Variants in ARID2 observed in about 807,000 individuals in gnomAD.
ARID2 encodes the protein AT-rich interaction domain 2.
A neutral mutation model predicts 184.6 loss-of-function variants in ARID2; 32 were observed. That is an observed-to-expected ratio of 0.17 (90% CI 0.13 to 0.23). The LOEUF (loss-of-function observed/expected upper bound fraction) is 0.23. Among genes scored for constraint, ARID2 ranks in the 10% least tolerant of loss-of-function variants. The pLI is 1.00. For synonymous variants in ARID2, 836 were observed against 772.6 expected, an observed-to-expected ratio of 1.08 and a Z score of -1.36; for missense variants, 1,696 against 2,197.6, an observed-to-expected ratio of 0.77 and a Z score of 4.56.
intron 20 of ARID2, among the ~76,000 whole-genome samples, chr12:45,897,747 T>C (rs1944388314): frequency 6.6e-6 from 1 of 152,202 alleles, no homozygotes; most frequent in Non-Finnish European, 1.5e-5. Context: ...ATGTGGCATG[T>C]ACATGCAATG....
In ARID2 at chr12:45,849,644, A is replaced by G; in HGVS notation, c.1780A>G (p.Ile594Val). The change falls in exon 14 of 21, where the codon ATT (isoleucine) becomes GTT (valine). Residue 594 changes from isoleucine (I) to valine (V), a missense_variant. By Grantham distance (29) the Ile-to-Val change is conservative (BLOSUM62 3). Transcript: ENST00000334344. ...EDSSSNGQAH[I>V]HVVGVKRRAI... ...TTCCAGTAGCAATGGGCAGGCACAT[A>G]TTCATGTGGTAGGAGTAAAACGGAG... 2 of 1,613,748 alleles carry G rather than the reference A, an allele frequency of 1.2e-6. No homozygotes were observed.
chr12:45,834,774 C>T (rs1943185806), intron 6 of ARID2, among the ~76,000 whole-genome samples: 1 of 152,150 alleles, frequency 6.6e-6, no homozygotes, highest in Non-Finnish European at 1.5e-5. Context: ...TATTTTCTTC[C>T]ATCATTTTGA....
chr12:45,861,039 A>G (rs2138192682), intron 16 of ARID2, 90 bp downstream of exon 16: 1 of 1,268,850 alleles, frequency 7.9e-7, no homozygotes, highest in Non-Finnish European at 1.0e-6. Context: ...GTTGCATGAA[A>G]ATTTTCCTTT....
intron 3 of ARID2, among the ~76,000 whole-genome samples, chr12:45,793,874 A>T (rs1256160841): frequency 1.3e-5 from 2 of 148,896 alleles, no homozygotes; most frequent in Admixed American, 1.3e-4. Context: ...TATTTTTTCT[A>T]TTCTTTCCTT....
chr12:45,893,439 A>G lies in ARID2; in HGVS notation c.5167A>G (p.Thr1723Ala). The part of the protein sequence containing the change: ...SSTKQPTVGG[T>A]SSTPRAQKAI... ...ATTTAGGCAGCCAACTGTAGGGGGC[A>G]CAAGCTCAACTCCTAGAGCACAAAA... The change falls in exon 19 of 21, where the codon ACA (threonine) becomes GCA (alanine). Residue 1723 changes from threonine (T) to alanine (A), a missense_variant. Physicochemically the swap from Thr to Ala is moderately conservative, Grantham distance 58. Around this residue, in one of 11 missense-constraint regions of ARID2, gnomAD observed 58 missense variants for 47.1 expected, o/e 1.23. Coordinates refer to ENST00000334344, the MANE Select transcript of ARID2 (RefSeq NM_152641.4). The G allele has an allele frequency of 6.2e-7, 1 of 1,613,704 alleles. No individual in the cohort carries two copies. Among genetic ancestry groups the G allele is most frequent in the South Asian group, 1.1e-5 (1 of 91,048 alleles).
chr12:45,788,382 A>C (rs1220690667), intron 3 of ARID2, among the ~76,000 whole-genome samples: 2 of 152,200 alleles, frequency 1.3e-5, no homozygotes, highest in African/African-American at 4.8e-5. Flanking sequence ...TGTAGCTGAT[A>C]AATGGCAGCA....
intron 3 of ARID2, among the ~76,000 whole-genome samples, chr12:45,764,279 A>G (rs562285857): frequency 1.2e-4 from 18 of 152,260 alleles, no homozygotes; most frequent in Non-Finnish European, 2.4e-4. Flanking sequence ...GTGTGAAAGA[A>G]CACAGATTAG....
chr12:45,786,343 AG>A (rs1313911552), intron 3 of ARID2, among the ~76,000 whole-genome samples: 6 of 152,350 alleles, frequency 3.9e-5, no homozygotes, highest in Admixed American at 2.0e-4. Flanking sequence ...CTAGTCTTTA[AG>A]CCAAAATTTG....
chr12:45,881,641 G>A (rs1180724018), intron 16 of ARID2: 7 of 161,362 alleles, frequency 4.3e-5, no homozygotes, highest in East Asian at 3.7e-4. Flanking sequence ...TCTCCCTTCC[G>A]GTGGATTTTT....
intron 12 of ARID2, among the ~76,000 whole-genome samples, chr12:45,847,956 TTCAG>T (rs1390973605): frequency 6.6e-6 from 1 of 152,026 alleles, no homozygotes; most frequent in African/African-American, 2.4e-5. Flanking sequence ...TTTTTGAAAT[TTCAG>T]TACAGACAGG....
intron 6 of ARID2, among the ~76,000 whole-genome samples, chr12:45,824,685 G>C (rs1000040257): frequency 1.3e-5 from 2 of 151,844 alleles, no homozygotes; most frequent in Non-Finnish European, 2.9e-5. Flanking sequence ...GGGAAAGTAA[G>C]TAATATAGCC....
intron 3 of ARID2, among the ~76,000 whole-genome samples, chr12:45,748,394 C>CA (rs1017716551): frequency 5.9e-5 from 9 of 151,354 alleles, no homozygotes; most frequent in East Asian, 1.9e-4. Flanking sequence ...TACCTTGTCT[C>CA]AAAAAAAAGA....
chr12:45,851,776 C>T lies in ARID2; in HGVS notation c.3653C>T (p.Pro1218Leu), dbSNP rs1943555035. The T allele has an allele frequency of 6.2e-7, 1 of 1,614,114 alleles. No individual in the cohort carries two copies. Among genetic ancestry groups the T allele is most frequent in the Non-Finnish European group, 8.5e-7 (1 of 1,180,010 alleles). Residue 1218 changes from proline (P) to leucine (L), a missense_variant, in exon 15 of 21, where the codon CCA becomes CTA. This residue lies in a region of ARID2 where 428 missense variants were observed against 409.1 expected (regional missense o/e 1.05). Transcript: ENST00000334344. Reference protein sequence around the residue: ...TGVGLPVQTLPATQASPAGQS... With the variant: ...TGVGLPVQTLLATQASPAGQS... Reference sequence around the variant, plus strand: ...GTTGGACTTCCAGTACAAACGCTTCCAGCCACTCAAGCATCTCCTGCTGGA... The same window carrying T: ...GTTGGACTTCCAGTACAAACGCTTCTAGCCACTCAAGCATCTCCTGCTGGA...
chr12:45,868,292 T>A (rs1025372767), intron 16 of ARID2, among the ~76,000 whole-genome samples: 13 of 152,070 alleles, frequency 8.5e-5, no homozygotes, highest in African/African-American at 3.1e-4. Context: ...AATACAAAAA[T>A]TAGCTAGGCA....
At position 45,850,298 on chromosome 12, in the gene ARID2, G is replaced by C. The variant is rs149000309; in HGVS notation, c.2175G>C (p.Gln725His). The change falls in exon 15 of 21, where the codon CAG becomes CAC. Residue 725 changes from glutamine (Q) to histidine (H), a missense_variant. Around this residue, in one of 11 missense-constraint regions of ARID2, gnomAD observed 713 missense variants for 824.4 expected, o/e 0.86. Coordinates refer to ENST00000334344, the MANE Select transcript of ARID2 (RefSeq NM_152641.4). ...CAGTTATCCAGAATTCCATACCCCA[G>C]ACAGGAGTTCCTGTTAGTATTGCTG... ...KATVIQNSIPQTGVPVSIAVG... is the reference protein window; with the variant it reads ...KATVIQNSIPHTGVPVSIAVG... The C allele has an allele frequency of 9.9e-6, 16 of 1,614,002 alleles. No individual in the cohort carries two copies. In the African/African-American group the frequency reaches 2.0e-4, roughly 20 times the overall value.
chr12:45,799,367 T>C (rs1040930502), intron 3 of ARID2, among the ~76,000 whole-genome samples: 7 of 152,200 alleles, frequency 4.6e-5, no homozygotes, highest in African/African-American at 1.7e-4. Context: ...GAACAATACA[T>C]GGATGAACAT....
chr12:45,879,596 G>T (rs1944068377), intron 16 of ARID2, among the ~76,000 whole-genome samples: 1 of 152,202 alleles, frequency 6.6e-6, no homozygotes, highest in Non-Finnish European at 1.5e-5. Context: ...CCAGCTTTCA[G>T]AGTGGTAGTT....
intron 16 of ARID2, among the ~76,000 whole-genome samples, chr12:45,888,430 A>G (rs1944234255): frequency 6.6e-6 from 1 of 152,196 alleles, no homozygotes; most frequent in African/African-American, 2.4e-5. Context: ...AGCGATAGTG[A>G]GTGTTGCTTG....
In ARID2 at chr12:45,851,252, A is replaced by G. The variant is rs2138169399; in HGVS notation, c.3129A>G (p.Gln1043=). ...PQQVQMQVQP[Q]QSNAGVGQPA... ...AAGTACAGATGCAAGTTCAACCTCA[A>G]CAGTCGAATGCAGGAGTTGGTCAGC... The change falls in exon 15 of 21, where the codon CAA becomes CAG. Residue 1043 remains glutamine (Q), a synonymous_variant. Coordinates refer to ENST00000334344, the MANE Select transcript of ARID2 (RefSeq NM_152641.4). The G allele has an allele frequency of 6.2e-7, 1 of 1,614,156 alleles. No individual in the cohort carries two copies. Among genetic ancestry groups the G allele is most frequent in the Non-Finnish European group, 8.5e-7 (1 of 1,180,006 alleles).
Sources: gnomAD v4.1 joint callset for allele counts (sites outside exome capture counted in the v4.1 genomes callset) on GRCh38, gnomAD v4.1.1 for gene constraint, gnomAD v4.1.1 regional missense constraint, MANE v1.5 for transcripts, NCBI Gene and HGNC (gene_info 2026-07-23, HGNC 2026-07-21) for gene names.